ATP2B2: variants seen among roughly 807,000 people sequenced by gnomAD.
ATP2B2 encodes the protein ATPase plasma membrane Ca2+ transporting 2.
ATP2B2 carries 15 observed loss-of-function variants against 120.0 expected under a neutral mutation model. That is an observed-to-expected ratio of 0.12 (90% CI 0.08 to 0.19). The LOEUF is 0.19. Among genes scored for constraint, ATP2B2 ranks in the 10% least tolerant of loss-of-function variants. The probability of loss-of-function intolerance (pLI) is 1.00; values close to 1 mark genes in which losing one functional copy is unlikely to be tolerated. For missense variants in ATP2B2, 1,045 were observed against 1,719.8 expected (o/e 0.61, Z 6.94); for synonymous variants, 694 against 700.3 (o/e 0.99, Z 0.14).
intron 18 of ATP2B2, 61 bp downstream of exon 18, chr3:10,345,323 G>A (rs764253658): frequency 5.7e-6 from 9 of 1,588,086 alleles, no homozygotes; most frequent in East Asian, 2.2e-5. Flanking sequence ...TAAGGCCCCC[G>A]AGCCTCTGTG....
intron 1 of ATP2B2, among the ~76,000 whole-genome samples, chr3:10,629,744 G>A (rs1575575404): frequency 1.3e-5 from 2 of 152,204 alleles, no homozygotes; most frequent in Admixed American, 6.5e-5. Flanking sequence ...CCAAATCTCC[G>A]CAAGCCCTCT....
In ATP2B2 at chr3:10,534,935, ACT is replaced by A. The variant is rs1444412184; in HGVS notation, c.-414-804_-414-803del. ...TTTTTTTTTTTTGAGATGGAGTCTC[ACT>A]CTGTCATCCAGGCTGGAGTGCAATG... On this transcript the variant is annotated intron_variant, in intron 2 of 21. Transcript: ENST00000646379. Among the ~76,000 whole-genome samples the A allele has an allele frequency of 6.1e-5, 7 of 115,680 alleles. No homozygotes were observed. In the East Asian group the frequency reaches 1.7e-3, roughly 28 times the overall value. The allele number at this position is 115,680 out of a possible 152,430, so 75.9% of individuals were successfully genotyped here. A position where few individuals can be genotyped will look rare whatever the true frequency, so the allele number is the denominator to read the frequency against.
chr3:10,386,534 A>G, intron 6 of ATP2B2, 22 bp from the exon 7 acceptor site: 1 of 1,614,058 alleles, frequency 6.2e-7, no homozygotes, highest in Non-Finnish European at 8.5e-7. Flanking sequence ...TTTTTGAGAC[A>G]TGTTAATGAA....
chr3:10,636,946 C>A (rs1212676697), intron 1 of ATP2B2, among the ~76,000 whole-genome samples: 2 of 152,156 alleles, frequency 1.3e-5, no homozygotes, highest in Admixed American at 6.5e-5. Flanking sequence ...AGGGAAGGAA[C>A]CACTGGAAAT....
chr3:10,352,335 A>AGAC (rs2060602185), intron 14 of ATP2B2, among the ~76,000 whole-genome samples: 1 of 152,220 alleles, frequency 6.6e-6, no homozygotes, highest in African/African-American at 2.4e-5. Flanking sequence ...CCTGAGTGTC[A>AGAC]GCCTGTGGGG....
chr3:10,573,701 A>G (rs2068179557), intron 2 of ATP2B2, among the ~76,000 whole-genome samples: 1 of 152,062 alleles, frequency 6.6e-6, no homozygotes, highest in Non-Finnish European at 1.5e-5. Flanking sequence ...CAGGCTCCAG[A>G]CTCTGAGAGC....
intron 14 of ATP2B2, among the ~76,000 whole-genome samples, chr3:10,355,866 G>C (rs1366382449): frequency 4.4e-5 from 2 of 45,476 alleles, no homozygotes; most frequent in African/African-American, 6.3e-5. Context: ...GAGGTCAGGA[G>C]ATCGAGACCA....
chr3:10,657,987 G>C (rs1009765468), intron 1 of ATP2B2, among the ~76,000 whole-genome samples: 2 of 152,168 alleles, frequency 1.3e-5, no homozygotes, highest in East Asian at 1.9e-4. Context: ...AGGCAAACAG[G>C]GTCTGGAGTG....
intron 2 of ATP2B2, among the ~76,000 whole-genome samples, chr3:10,535,574 C>CTCTAAT (rs1240002825): frequency 6.6e-6 from 1 of 152,184 alleles, no homozygotes; most frequent in Non-Finnish European, 1.5e-5. Flanking sequence ...TTCTCCATCT[C>CTCTAAT]TCTAATATTG....
rs866371959 is a variant in ATP2B2, at chr3:10,445,572, A to G, written c.199+3773T>C. 1.2e-4 allele frequency among the ~76,000 whole-genome samples: 18 copies of G among 152,352 alleles called. 1 individual carries two copies. The highest frequency in any genetic ancestry group is 6.2e-4 in the South Asian group (3 of 4,828). ...AGTAGGGTCTCCAGGTGGGACATCC[A>G]GTACTGCTGGGCTGTGGGAGCCACA... On this transcript the variant is annotated intron_variant, in intron 2 of 22. Transcript: ENST00000360273.
In ATP2B2 at chr3:10,501,777, G is replaced by A. The variant is rs151065328; in HGVS notation, c.-320+3688C>T. On this transcript the variant is annotated intron_variant, in intron 1 of 22. Coordinates refer to ENST00000360273, the MANE Select transcript of ATP2B2 (RefSeq NM_001001331.4). Reference sequence around the variant, plus strand: ...AGGCTGGAGACCTCAGTTTCCCCACGTGTGACAGGTACAGGCAGAACAGCA... The same window carrying A: ...AGGCTGGAGACCTCAGTTTCCCCACATGTGACAGGTACAGGCAGAACAGCA... Among the ~76,000 whole-genome samples, 414 of 152,280 alleles carry A rather than the reference G, an allele frequency of 2.7e-3. 5 individuals carry two copies. Among genetic ancestry groups the A allele is most frequent in the Admixed American group, 0.018 (274 of 15,302 alleles).
intron 2 of ATP2B2, among the ~76,000 whole-genome samples, chr3:10,575,917 G>A (rs2068234513): frequency 6.6e-6 from 1 of 152,220 alleles, no homozygotes; most frequent in Non-Finnish European, 1.5e-5. Flanking sequence ...GACCCCATGT[G>A]TTCAGTTCTG....
rs573596180 is a variant in ATP2B2, at chr3:10,498,755, C to T, written c.-320+6710G>A. 3.9e-5 allele frequency among the ~76,000 whole-genome samples: 6 copies of T among 152,320 alleles called. No homozygotes were observed. In the South Asian group the frequency reaches 1.0e-3, roughly 26 times the overall value. ...AGCTACATGGTGCTTGGACCCCAAA[C>T]GGTGTCATCCATTCACTGCTTCTCC... On this transcript the variant is annotated intron_variant, in intron 1 of 22. Transcript: ENST00000360273.
intron 1 of ATP2B2, among the ~76,000 whole-genome samples, chr3:10,489,078 T>G (rs1038638367): frequency 1.3e-5 from 2 of 152,332 alleles, no homozygotes; most frequent in East Asian, 3.9e-4. Context: ...CATGTCCCCA[T>G]GTCAGGGCCT....
intron 21 of ATP2B2, among the ~76,000 whole-genome samples, chr3:10,339,509 T>C (rs1385069174): frequency 6.6e-6 from 1 of 152,184 alleles, no homozygotes; most frequent in Non-Finnish European, 1.5e-5. Context: ...CAGGAGCCTT[T>C]GGGCTGCATG....
intron 2 of ATP2B2, among the ~76,000 whole-genome samples, chr3:10,441,162 C>G (rs1488582922): frequency 6.6e-6 from 1 of 152,132 alleles, no homozygotes; most frequent in Non-Finnish European, 1.5e-5. Flanking sequence ...CCTCCTTCCT[C>G]CCCCTGGCTA....
At chr3:10,538,026 G>A (rs908631055) in intron 2 of ATP2B2, among the ~76,000 whole-genome samples, 1 of 152,152 alleles carries the variant, frequency 6.6e-6, no homozygotes, top group Non-Finnish European at 1.5e-5. Flanking sequence ...TTTTTACACA[G>A]TGTTGAATTC....
chr3:10,498,916 C>A (rs1559416155), intron 1 of ATP2B2, among the ~76,000 whole-genome samples: 1 of 152,196 alleles, frequency 6.6e-6, no homozygotes, highest in South Asian at 2.1e-4. Flanking sequence ...AGGGCAGAAG[C>A]TCAACATATT....
chr3:10,583,491 A>C (rs748594386), intron 2 of ATP2B2, among the ~76,000 whole-genome samples: 18 of 151,638 alleles, frequency 1.2e-4, no homozygotes, highest in Non-Finnish European at 2.4e-4. Context: ...TTTACCTGGG[A>C]CCTCTCTCAC....
Sources: allele counts gnomAD v4.1 joint callset (sites outside exome capture counted in the v4.1 genomes callset), GRCh38; gene constraint gnomAD v4.1.1; transcripts MANE v1.5; gene names NCBI Gene and HGNC (gene_info 2026-07-23, HGNC 2026-07-21).